Variants in FBXW4 observed in about 807,000 individuals in gnomAD.
FBXW4 encodes the protein F-box/WD repeat-containing protein 4.
Under a neutral mutation model 61.8 loss-of-function variants are expected in FBXW4, and 40 were observed. The ratio of observed to expected loss-of-function variants is 0.65; its 90% CI spans 0.50 to 0.84. FBXW4 has a LOEUF of 0.84. Ranked by LOEUF, FBXW4 falls within the 40% of genes least tolerant of loss-of-function variation. The probability of loss-of-function intolerance (pLI) is 0.00; values close to 1 mark genes in which losing one functional copy is unlikely to be tolerated. For missense variants in FBXW4, 672 were observed against 753.8 expected, an observed-to-expected ratio of 0.89 and a Z score of 1.27; for synonymous variants, 311 against 313.8, an observed-to-expected ratio of 0.99 and a Z score of 0.10.
At chr10:101,649,682 G>A (rs957750073) in intron 5 of FBXW4, among the ~76,000 whole-genome samples, 1 of 152,152 alleles carries the variant, frequency 6.6e-6, no homozygotes, top group Non-Finnish European at 1.5e-5. Flanking sequence ...TGTGACTGGC[G>A]CCAATTCCCA....
At chr10:101,619,595 T>C (rs963430594) in intron 6 of FBXW4, among the ~76,000 whole-genome samples, 2 of 150,088 alleles carry the variant, frequency 1.3e-5, no homozygotes, top group Non-Finnish European at 3.0e-5. Flanking sequence ...GGAGGCGGAG[T>C]TTGCAGTGAG....
chr10:101,619,738 G>A (rs1339956542), intron 6 of FBXW4, among the ~76,000 whole-genome samples: 2 of 152,080 alleles, frequency 1.3e-5, no homozygotes, highest in Non-Finnish European at 2.9e-5. Context: ...TGTGCCTGTG[G>A]CTGCCTTCTG....
intron 5 of FBXW4, among the ~76,000 whole-genome samples, chr10:101,662,422 C>T (rs1020950098): frequency 6.6e-6 from 1 of 152,178 alleles, no homozygotes; most frequent in Non-Finnish European, 1.5e-5. Flanking sequence ...CGGTACATTT[C>T]ATGCAGACTT....
chr10:101,657,034 T>C (rs1324393735), intron 5 of FBXW4, among the ~76,000 whole-genome samples: 1 of 152,162 alleles, frequency 6.6e-6, no homozygotes, highest in Non-Finnish European at 1.5e-5. Context: ...ATATTCCCTT[T>C]GCAATTACCA....
At chr10:101,649,139 C>T (rs774929118) in intron 5 of FBXW4, among the ~76,000 whole-genome samples, 1 of 152,214 alleles carries the variant, frequency 6.6e-6, no homozygotes, top group Non-Finnish European at 1.5e-5. Flanking sequence ...AATAATGAAG[C>T]ATGCTGAACT....
chr10:101,625,131 G>A (rs1010504146), intron 5 of FBXW4: 16 of 311,268 alleles, frequency 5.1e-5, no homozygotes, highest in South Asian at 2.9e-4. Flanking sequence ...AGGAGAGAGC[G>A]AGCCTGTCGG....
Position 101,694,728 on chromosome 10 carries a change from C to G in FBXW4, c.378G>C (p.Arg126Ser). ...EYGKKEEWRV[R>S]ARRREGARPG... is the part of the protein sequence containing the mutation. The stretch of plus-strand genomic sequence containing the variant: ...GCCTGGCGCCCTCCCGCCGCCTAGC[C>G]CTGACCCTCCATTCCTCCTTCTTCC... The change falls in exon 1 of 9, where the codon AGG becomes AGC. Residue 126 changes from arginine to serine, a missense_variant. Physicochemically the swap from Arg to Ser is moderately radical, Grantham distance 110. Around this residue, in one of 5 missense-constraint regions of FBXW4, gnomAD observed 311 missense variants for 301.1 expected, o/e 1.03. Transcript: ENST00000331272. This position sits in a 1 kb window ranked among gnomAD's most constrained non-coding sequence, Gnocchi z 6.0. 7.3e-7 allele frequency: 1 copy of G among 1,373,072 alleles called. No homozygotes were observed. Among genetic ancestry groups the G allele is most frequent in the Non-Finnish European group, 9.3e-7 (1 of 1,071,860 alleles). 85.1% of individuals were successfully genotyped at this position (1,373,072 alleles called of 1,614,324 possible). A position where few individuals can be genotyped will look rare whatever the true frequency, so the allele number is the denominator to read the frequency against.
chr10:101,680,386 C>T (rs988822023), intron 1 of FBXW4, among the ~76,000 whole-genome samples: 6 of 151,816 alleles, frequency 4.0e-5, no homozygotes, highest in African/African-American at 1.5e-4. Flanking sequence ...TGAAATGCTA[C>T]AGGAAGGGAA....
intron 5 of FBXW4, among the ~76,000 whole-genome samples, chr10:101,650,619 G>C (rs1421118185): frequency 6.6e-6 from 1 of 152,200 alleles, no homozygotes; most frequent in Non-Finnish European, 1.5e-5. Context: ...AGGTGCTCTT[G>C]TTTTCTAGGC....
chr10:101,632,348 G>A (rs2063965902), intron 5 of FBXW4, among the ~76,000 whole-genome samples: 1 of 152,094 alleles, frequency 6.6e-6, no homozygotes. Flanking sequence ...CCCCCCAACT[G>A]CAACTCCAAC....
intron 5 of FBXW4, chr10:101,626,403 A>C (rs2063907715): frequency 6.6e-6 from 1 of 152,664 alleles, no homozygotes; most frequent in Admixed American, 6.5e-5. Flanking sequence ...CTGGAAACAT[A>C]ATAGCCACTT....
intron 1 of FBXW4, among the ~76,000 whole-genome samples, chr10:101,679,206 C>A (rs2064447479): frequency 6.6e-6 from 1 of 152,168 alleles, no homozygotes; most frequent in Non-Finnish European, 1.5e-5. Flanking sequence ...TGCATCTGGC[C>A]AGCTGAATAC....
intron 1 of FBXW4, among the ~76,000 whole-genome samples, chr10:101,680,895 T>G (rs181119596): frequency 6.6e-6 from 1 of 152,290 alleles, no homozygotes; most frequent in Non-Finnish European, 1.5e-5. Context: ...AGAGCTAAAA[T>G]CTGGAAATAG....
intron 1 of FBXW4, 111 bp from the exon 2 acceptor site, chr10:101,676,547 A>G (rs963779441): frequency 5.3e-6 from 4 of 757,238 alleles, no homozygotes; most frequent in Non-Finnish European, 8.8e-6. Context: ...ACAAGTAAAG[A>G]GATTAGGAGA....
intron 5 of FBXW4, chr10:101,659,353 G>A: frequency 3.1e-6 from 3 of 982,528 alleles, no homozygotes; most frequent in Non-Finnish European, 3.6e-6. Flanking sequence ...GCTTAGTGGA[G>A]GAAGGAGGAA....
intron 6 of FBXW4, among the ~76,000 whole-genome samples, chr10:101,618,076 G>T (rs1237003909): frequency 1.3e-5 from 2 of 152,198 alleles, no homozygotes; most frequent in African/African-American, 2.4e-5. Flanking sequence ...TCTCAGAGTG[G>T]CCCAGCCTGT....
chr10:101,684,013 G>A (rs978035840), intron 1 of FBXW4, among the ~76,000 whole-genome samples: 1 of 151,946 alleles, frequency 6.6e-6, no homozygotes, highest in Non-Finnish European at 1.5e-5. Context: ...ACCCAGGCTG[G>A]AGTGCAGTAG....
chr10:101,615,087 T>G (rs1490386312), intron 6 of FBXW4, among the ~76,000 whole-genome samples: 1 of 152,150 alleles, frequency 6.6e-6, no homozygotes, highest in Admixed American at 6.5e-5. Flanking sequence ...ACGATTAGAT[T>G]GCAATTTGTA....
chr10:101,621,042 G>C (rs944702284), intron 6 of FBXW4, among the ~76,000 whole-genome samples: 2 of 152,188 alleles, frequency 1.3e-5, no homozygotes, highest in African/African-American at 4.8e-5. Context: ...CCCGGCTTGT[G>C]TGTCATCCTG....
Sources: gnomAD v4.1 joint callset for allele counts (sites outside exome capture counted in the v4.1 genomes callset) on GRCh38, gnomAD v4.1.1 for gene constraint, gnomAD v4.1.1 regional missense constraint, Gnocchi (gnomAD v3.1) non-coding constraint, MANE v1.5 for transcripts, NCBI Gene and HGNC (gene_info 2026-07-23, HGNC 2026-07-21) for gene names.